The following HGF variants were observed in gnomAD, a reference collection of about 807,000 sequenced individuals.
The protein encoded by HGF is fibroblast-derived tumor cytotoxic factor.
HGF carries 39 observed loss-of-function variants against 111.6 expected under a neutral mutation model. The ratio of observed to expected loss-of-function variants is 0.35; its 90% CI spans 0.27 to 0.46. The LOEUF (loss-of-function observed/expected upper bound fraction) is 0.46, where lower values mean the gene tolerates loss of function less well. Among genes scored for constraint, HGF ranks in the 20% least tolerant of loss-of-function variants. HGF has a pLI of 1.00. For synonymous variants in HGF, 285 were observed against 294.8 expected (o/e 0.97, Z 0.34); for missense variants, 735 against 910.5 (o/e 0.81, Z 2.48).
rs758567520 is a variant in HGF at position 81,720,839 on chromosome 7, G to A, written c.1177C>T (p.Arg393Cys). The A allele has an allele frequency of 7.6e-6, 12 of 1,569,448 alleles. No homozygotes were observed. Among genetic ancestry groups the A allele is most frequent in the Admixed American group, 5.0e-5 (3 of 59,908 alleles). ...CCCATATAATTTTTGCCATTCCCACGATAACAATCTAGACATAAAATATAC... is the reference window on the plus strand; with the variant it reads ...CCCATATAATTTTTGCCATTCCCACAATAACAATCTAGACATAAAATATAC... Reference protein sequence around the residue: ...CDMSHGQDCYRGNGKNYMGNL... With the variant: ...CDMSHGQDCYCGNGKNYMGNL... Residue 393 changes from arginine (R) to cysteine (C), a missense_variant, in exon 10 of 18, where the codon CGT (arginine) becomes TGT (cysteine). By Grantham distance (180) the Arg-to-Cys change is radical. Coordinates refer to ENST00000222390, the MANE Select transcript of HGF (RefSeq NM_000601.6).
chr7:81,717,400 G>T (rs769577328), intron 10 of HGF, 35 bp from the exon 11 acceptor site: 1 of 1,597,714 alleles, frequency 6.3e-7, no homozygotes, highest in Admixed American at 1.7e-5. Context: ...ATCACAAGAT[G>T]CTCATTCCAT....
chr7:81,725,049 C>A (rs1160324856), intron 9 of HGF, among the ~76,000 whole-genome samples: 4 of 152,196 alleles, frequency 2.6e-5, no homozygotes, highest in African/African-American at 9.7e-5. Flanking sequence ...ATTACTGAAA[C>A]AACCACTTCA....
At position 81,745,124 on chromosome 7, in the gene HGF, ATAAAAT is replaced by A. The variant is rs750286851; in HGVS notation, c.626-10_626-5del. 2 of 1,613,784 alleles carry A rather than the reference ATAAAAT, an allele frequency of 1.2e-6. No homozygotes were observed. The highest frequency in any genetic ancestry group is 1.1e-5 in the South Asian group (1 of 91,080). ...CCATTGCAGGTCATGCATTCAACTAATAAAATTAAAGTATGGCATGTTAATTGTTTC... is the reference window on the plus strand; with the variant it reads ...CCATTGCAGGTCATGCATTCAACTAATAAAGTATGGCATGTTAATTGTTTC... On this transcript the variant is annotated splice_region_variant and splice_polypyrimidine_tract_variant and intron_variant, in intron 5 of 17. Coordinates refer to ENST00000222390, the MANE Select transcript of HGF (RefSeq NM_000601.6).
intron 9 of HGF, among the ~76,000 whole-genome samples, chr7:81,724,286 C>G (rs1241253231): frequency 6.6e-6 from 1 of 152,108 alleles, no homozygotes; most frequent in African/African-American, 2.4e-5. Context: ...CCCCTCTTCC[C>G]TCTACAACTC....
Position 81,717,297 on chromosome 7 carries a change from G to C in HGF, c.1340C>G (p.Ala447Gly). Residue 447 changes from alanine to glycine, a missense_variant, in exon 11 of 18, where the codon GCT becomes GGT. Physicochemically the swap from Ala to Gly is moderately conservative, Grantham distance 60 (BLOSUM62 0). Coordinates refer to ENST00000222390, the MANE Select transcript of HGF (RefSeq NM_000601.6). Reference protein sequence around the residue: ...ENYCRNPDDDAHGPWCYTGNP... With the variant: ...ENYCRNPDDDGHGPWCYTGNP... ...TCCCGTGTAGCACCAGGGTCCATGA[G>C]CATCATCATCTGGATTTCGGCAGTA... is the stretch of plus-strand genomic sequence containing the variant. 1 of 1,613,260 alleles carries C rather than the reference G, an allele frequency of 6.2e-7. No individual in the cohort carries two copies. The highest frequency in any genetic ancestry group is 8.5e-7 in the Non-Finnish European group (1 of 1,179,240).
chr7:81,707,257 C>G (rs2115778047), intron 14 of HGF, 33 bp downstream of exon 14: 1 of 1,241,926 alleles, frequency 8.1e-7, no homozygotes, highest in Non-Finnish European at 1.2e-6. Context: ...ATTTTAAAGG[C>G]TCAAAATAAT....
intron 8 of HGF, among the ~76,000 whole-genome samples, chr7:81,727,306 G>A (rs553455868): frequency 6.6e-6 from 1 of 151,980 alleles, no homozygotes; most frequent in East Asian, 1.9e-4. Flanking sequence ...GCCTCCCAAA[G>A]TGTGGGAATT....
intron 7 of HGF, among the ~76,000 whole-genome samples, chr7:81,730,293 AC>A (rs1562884727): frequency 6.6e-6 from 1 of 152,068 alleles, no homozygotes; most frequent in Non-Finnish European, 1.5e-5. Context: ...TACTAAAAAT[AC>A]AAAAAAAATT....
At chr7:81,750,703 A>G (rs1788455912) in intron 5 of HGF, among the ~76,000 whole-genome samples, 1 of 152,154 alleles carries the variant, frequency 6.6e-6, no homozygotes, top group African/African-American at 2.4e-5. Flanking sequence ...TAAGCTGTTT[A>G]AAGTTTGGCC....
At chr7:81,721,226 G>A (rs564950465) in intron 9 of HGF, among the ~76,000 whole-genome samples, 93 of 151,876 alleles carry the variant, frequency 6.1e-4, no homozygotes, top group Admixed American at 4.3e-3. Context: ...CAGCCTGGGC[G>A]ACAGAGCGAG....
At position 81,710,178 on chromosome 7, in the gene HGF, T is replaced by C. The variant is rs900715996; in HGVS notation, c.1510A>G (p.Asn504Asp). The C allele has an allele frequency of 6.2e-7, 1 of 1,612,888 alleles. No individual in the cohort carries two copies. The highest frequency in any genetic ancestry group is 8.5e-7 in the Non-Finnish European group (1 of 1,178,936). The change falls in exon 13 of 18, where the codon AAC (asparagine) becomes GAC (aspartate). Residue 504 changes from asparagine to aspartate, a missense_variant. Asn to Asp is a conservative substitution (Grantham distance 23). Coordinates refer to ENST00000222390, the MANE Select transcript of HGF (RefSeq NM_000601.6). ...RVVNGIPTRTNIGWMVSLRYR... is the reference protein window; with the variant it reads ...RVVNGIPTRTDIGWMVSLRYR... ...CTCAAACTAACCATCCATCCTATGT[T>C]TGTTCGTGTTGGAATCCCATTTACA...
chr7:81,707,702 A>G (rs1432217449), intron 13 of HGF, among the ~76,000 whole-genome samples: 2 of 152,168 alleles, frequency 1.3e-5, no homozygotes, highest in East Asian at 1.9e-4. Flanking sequence ...CTACAAATAT[A>G]GGATAATTAT....
At chr7:81,749,678 C>A (rs564139784) in intron 5 of HGF, among the ~76,000 whole-genome samples, 1 of 152,016 alleles carries the variant, frequency 6.6e-6, no homozygotes, top group East Asian at 1.9e-4. Context: ...GAACTTATTC[C>A]TCTTATCTAA....
intron 9 of HGF, 133 bp from the exon 10 acceptor site, chr7:81,720,980 T>A: frequency 1.5e-6 from 1 of 645,794 alleles, no homozygotes; most frequent in Non-Finnish European, 2.8e-6. Flanking sequence ...GTGCGGTGGC[T>A]CACGCCTGTA....
At chr7:81,716,496 T>C (rs1177855807) in intron 11 of HGF, among the ~76,000 whole-genome samples, 2 of 151,656 alleles carry the variant, frequency 1.3e-5, no homozygotes, top group Non-Finnish European at 2.9e-5. Context: ...GTCTTAAACA[T>C]TTTTTTCCTA....
At chr7:81,759,891 GT>G (rs1383232456) in intron 2 of HGF, among the ~76,000 whole-genome samples, 1 of 151,952 alleles carries the variant, frequency 6.6e-6, no homozygotes, top group Non-Finnish European at 1.5e-5. Context: ...TATTATATTG[GT>G]TTTTTGTTAT....
chr7:81,702,534 G>A lies in HGF; in HGVS notation c.*47C>T, dbSNP rs1789308282. On this transcript the variant is annotated 3_prime_UTR_variant, in exon 18 of 18. Coordinates refer to ENST00000222390, the MANE Select transcript of HGF (RefSeq NM_000601.6). ...ATTCCACATTCTCTGAAATCTTCAT[G>A]TAAAAGACAGTTGTATTGGTGGGTG... 2 of 1,442,794 alleles carry A rather than the reference G, an allele frequency of 1.4e-6. No individual in the cohort carries two copies. The highest frequency in any genetic ancestry group is 9.7e-7 in the Non-Finnish European group (1 of 1,025,870). The allele number at this position is 1,442,794 out of a possible 1,614,324, so 89.4% of individuals were successfully genotyped here. A position where few individuals can be genotyped will look rare whatever the true frequency, so the allele number is the denominator to read the frequency against.
chr7:81,741,575 GTGTGTGTC>G (rs1485702360), intron 7 of HGF, among the ~76,000 whole-genome samples: 5 of 147,262 alleles, frequency 3.4e-5, no homozygotes, highest in African/African-American at 1.3e-4. Context: ...GTATGTGTGT[GTGTGTGTC>G]TGTGTGTGTG....
chr7:81,721,140 G>A (rs955303192), intron 9 of HGF, among the ~76,000 whole-genome samples: 8 of 152,120 alleles, frequency 5.3e-5, no homozygotes, highest in South Asian at 2.1e-4. Flanking sequence ...CCAGCTACTC[G>A]AGAGGCTGAA....
Sources: allele counts gnomAD v4.1 joint callset (sites outside exome capture counted in the v4.1 genomes callset), GRCh38; gene constraint gnomAD v4.1.1; transcripts MANE v1.5; gene names NCBI Gene and HGNC (gene_info 2026-07-23, HGNC 2026-07-21).